GALNT15: variants seen among roughly 807,000 people sequenced by gnomAD.
GALNT15 encodes the protein polypeptide N-acetylgalactosaminyltransferase 15, also known as UDP-GalNAc transferase T15.
Under a neutral mutation model 66.8 loss-of-function variants are expected in GALNT15, and 67 were observed. That is an observed-to-expected ratio of 1.00 (90% confidence interval 0.82 to 1.23). The LOEUF (loss-of-function observed/expected upper bound fraction) is 1.23, where lower values mean the gene tolerates loss of function less well. Among genes scored for constraint, GALNT15 ranks in the 50% most tolerant of loss-of-function variants. The pLI is 0.00. For missense variants in GALNT15, 827 were observed against 804.3 expected, an observed-to-expected ratio of 1.03 and a Z score of -0.34; for synonymous variants, 313 against 311.5, an observed-to-expected ratio of 1.00 and a Z score of -0.05.
At chr3:16,226,240 A>C (rs1184322547) in intron 9 of GALNT15, among the ~76,000 whole-genome samples, 1 of 152,114 alleles carries the variant, frequency 6.6e-6, no homozygotes, top group East Asian at 1.9e-4. Flanking sequence ...TTTTTACGTA[A>C]TGAAAATATT....
rs1444492953 is a variant in GALNT15 at position 16,225,517 on chromosome 3, A to T, written c.1774-1837A>T. Among the ~76,000 whole-genome samples, 1 of 149,782 alleles carries T rather than the reference A, an allele frequency of 6.7e-6. No homozygotes were observed. Among genetic ancestry groups the T allele is most frequent in the Non-Finnish European group, 1.5e-5 (1 of 67,534 alleles). ...TGAGACCAGCCTGGCCAATATGGTG[A>T]AACCCCGTTTCTACTAAAAACACAA... is the stretch of plus-strand genomic sequence containing the variant. On this transcript the variant is annotated intron_variant, in intron 9 of 9. Coordinates refer to ENST00000339732, the MANE Select transcript of GALNT15 (RefSeq NM_054110.5). The surrounding 1 kb of genome is among the most constrained non-coding windows in gnomAD (Gnocchi z 4.4).
chr3:16,199,367 C>G (rs768638819), intron 2 of GALNT15, among the ~76,000 whole-genome samples: 2 of 142,240 alleles, frequency 1.4e-5, no homozygotes, highest in Non-Finnish European at 3.1e-5. Flanking sequence ...CTCTTGGTCT[C>G]AGTTTTTCAT....
Position 16,189,406 on chromosome 3 carries a change from T to A in GALNT15, c.540-6354T>A, listed in dbSNP as rs1250679022. Among the ~76,000 whole-genome samples, 1 of 152,360 alleles carries A rather than the reference T, an allele frequency of 6.6e-6. No homozygotes were observed. Among genetic ancestry groups the A allele is most frequent in the Non-Finnish European group, 1.5e-5 (1 of 68,036 alleles). On this transcript the variant is annotated intron_variant, in intron 1 of 9. Transcript: ENST00000339732. This position sits in a 1 kb window ranked among gnomAD's most constrained non-coding sequence, Gnocchi z 5.1. ...GATGAGGAGTAAATGAGATAATGCA[T>A]GAGAATATCCTACAAATATCAGTGA...
In GALNT15 at chr3:16,229,876, T is replaced by C. The variant is rs1359980806; in HGVS notation, c.*2376T>C. On this transcript the variant is annotated 3_prime_UTR_variant, in exon 10 of 10. Transcript: ENST00000339732. ...ATGATTTATTACTTTATTGCAGAAG[T>C]GGCTGTCAACTCAGTCCCTGGCTGG... 2.5e-6 allele frequency: 1 copy of C among 398,356 alleles called. No homozygotes were observed. Among genetic ancestry groups the C allele is most frequent in the East Asian group, 1.6e-4 (1 of 6,224 alleles). 24.7% of individuals were successfully genotyped at this position (398,356 alleles called of 1,614,324 possible). A position where few individuals can be genotyped will look rare whatever the true frequency, so the allele number is the denominator to read the frequency against.
intron 3 of GALNT15, among the ~76,000 whole-genome samples, chr3:16,207,545 TG>T (rs11357674): frequency 0.99 from 97,284 of 97,788 alleles, 48,392 homozygotes; most frequent in East Asian, 1. Context: ...AAAAAAAAAT[TG>T]GGCCTAAAAT....
In GALNT15 at chr3:16,184,699, T is replaced by C. The variant is rs994260926; in HGVS notation, c.539+9009T>C. Reference sequence around the variant, plus strand: ...AAAGAAGGCTTCATTTTGCCGGTTATCCCAAGAAGCACGGGTAGGGGCTCA... The same window carrying C: ...AAAGAAGGCTTCATTTTGCCGGTTACCCCAAGAAGCACGGGTAGGGGCTCA... On this transcript the variant is annotated intron_variant, in intron 1 of 9. Coordinates refer to ENST00000339732, the MANE Select transcript of GALNT15 (RefSeq NM_054110.5). This position sits in a 1 kb window ranked among gnomAD's most constrained non-coding sequence, Gnocchi z 5.0. Among the ~76,000 whole-genome samples the C allele has an allele frequency of 4.6e-5, 7 of 152,152 alleles. No individual in the cohort carries two copies. The highest frequency in any genetic ancestry group is 1.0e-4 in the Non-Finnish European group (7 of 68,022).
the GALNT15 span, among the ~76,000 whole-genome samples, chr3:16,238,765 G>A: frequency 6.8e-4 from 104 of 152,274 alleles, no homozygotes; most frequent in Admixed American, 5.9e-3. This position sits in a 1 kb window ranked among gnomAD's most constrained non-coding sequence, Gnocchi z 4.8. Context: ...AACAGGGACT[G>A]TCCAAATGGG....
chr3:16,207,128 A>G lies in GALNT15; in HGVS notation c.912-1375A>G, dbSNP rs117528866. Among the ~76,000 whole-genome samples the G allele has an allele frequency of 1.5e-4, 23 of 152,314 alleles. No homozygotes were observed. In the East Asian group the frequency reaches 4.2e-3, roughly 28 times the overall value. The stretch of plus-strand genomic sequence containing the variant: ...ATAGACCCCACAACTCCTTACACTT[A>G]TGTCAGTTACCTAAAGCCATAGATT... On this transcript the variant is annotated intron_variant, in intron 3 of 9. Transcript: ENST00000339732.
Position 16,212,421 on chromosome 3 carries a change from A to G in GALNT15, c.1198-148A>G, listed in dbSNP as rs551406572. 9.5e-6 allele frequency: 7 copies of G among 733,064 alleles called. No homozygotes were observed. In the East Asian group the frequency reaches 1.6e-4, roughly 17 times the overall value. 45.4% of individuals were successfully genotyped at this position (733,064 alleles called of 1,614,324 possible). On this transcript the variant is annotated intron_variant, in intron 5 of 9. Transcript: ENST00000339732. The stretch of plus-strand genomic sequence containing the variant: ...CAGAACCTCCAAATCTGGAAACTCT[A>G]CGCCACCCTGAGGACCATAATCATC...
At chr3:16,217,553 C>T (rs2063892460) in intron 6 of GALNT15, among the ~76,000 whole-genome samples, 1 of 152,192 alleles carries the variant, frequency 6.6e-6, no homozygotes, top group African/African-American at 2.4e-5. Context: ...TCTCCATCCA[C>T]CCCAAAACCC....
In GALNT15 at chr3:16,188,940, C is replaced by T. The variant is rs1033829114; in HGVS notation, c.540-6820C>T. Among the ~76,000 whole-genome samples, 8 of 152,102 alleles carry T rather than the reference C, an allele frequency of 5.3e-5. No individual in the cohort carries two copies. The highest frequency in any genetic ancestry group is 3.9e-4 in the East Asian group (2 of 5,188). ...GGAGCCCAGGGTTCCCAAACATGGG[C>T]GAGTAGGGCCATACCATCTGGACCA... On this transcript the variant is annotated intron_variant, in intron 1 of 9. Coordinates refer to ENST00000339732, the MANE Select transcript of GALNT15 (RefSeq NM_054110.5). The surrounding 1 kb of genome is among the most constrained non-coding windows in gnomAD (Gnocchi z 4.6).
rs1559671854 is a variant in GALNT15, at chr3:16,175,234, T to C, written c.83T>C (p.Met28Thr). The C allele has an allele frequency of 6.2e-7, 1 of 1,614,070 alleles. No individual in the cohort carries two copies. Among genetic ancestry groups the C allele is most frequent in the African/African-American group, 1.3e-5 (1 of 74,928 alleles). Reference protein sequence around the residue: ...LLLLMLGCVLMMVAMLHPPHH... With the variant: ...LLLLMLGCVLTMVAMLHPPHH... ...CTCCTGATGCTGGGATGCGTCCTGA[T>C]GATGGTGGCGATGTTGCACCCTCCC... The change falls in exon 1 of 10, where the codon ATG becomes ACG. Residue 28 changes from methionine (M) to threonine (T), a missense_variant. Coordinates refer to ENST00000339732, the MANE Select transcript of GALNT15 (RefSeq NM_054110.5). The surrounding 1 kb of genome is among the most constrained non-coding windows in gnomAD (Gnocchi z 5.6).
chr3:16,231,652 A>T (rs2124913925), downstream of GALNT15: 1 of 638,936 alleles, frequency 1.6e-6, no homozygotes, highest in South Asian at 1.9e-5. This position sits in a 1 kb window ranked among gnomAD's most constrained non-coding sequence, Gnocchi z 4.1. Context: ...GACCAGATTA[A>T]TGTTTGAAAA....
In GALNT15 at chr3:16,208,638, G is replaced by T; in HGVS notation, c.1047G>T (p.Arg349Ser). 2 of 1,614,090 alleles carry T rather than the reference G, an allele frequency of 1.2e-6. No individual in the cohort carries two copies. Among genetic ancestry groups the T allele is most frequent in the Middle Eastern group, 3.3e-4 (2 of 6,052 alleles). ...GGGAACCTTTGCCAGAGCATGTGAG[G>T]AAGGCCCTCCAGTCCCCCATAAGCC... ...FHWEPLPEHV[R>S]KALQSPISPI... The change falls in exon 4 of 10, where the codon AGG (arginine) becomes AGT (serine). Residue 349 changes from arginine (R) to serine (S), a missense_variant. Coordinates refer to ENST00000339732, the MANE Select transcript of GALNT15 (RefSeq NM_054110.5).
At position 16,222,739 on chromosome 3, in the gene GALNT15, A is replaced by G. The variant is rs760233590; in HGVS notation, c.1754A>G (p.Gln585Arg). The change falls in exon 9 of 10, where the codon CAG (glutamine) becomes CGG (arginine). Residue 585 changes from glutamine to arginine, a missense_variant. Gln to Arg is a conservative substitution (Grantham distance 43). Transcript: ENST00000339732. ...GAGGAAGGCCTGGCCATCCACCAGC[A>G]GCACTGGGACTTCCAGGAGGTGAGT... ...CTEEGLAIHQ[Q>R]HWDFQENGMI... 41 of 1,614,068 alleles carry G rather than the reference A, an allele frequency of 2.5e-5. No homozygotes were observed. Among genetic ancestry groups the G allele is most frequent in the Middle Eastern group, 3.3e-4 (2 of 6,042 alleles).
intron 1 of GALNT15, among the ~76,000 whole-genome samples, chr3:16,179,796 G>A (rs1479041842): frequency 2.6e-5 from 4 of 152,200 alleles, no homozygotes; most frequent in Admixed American, 2.6e-4. Flanking sequence ...CAGAGGTGGG[G>A]ATAAAACTGA....
intron 6 of GALNT15, among the ~76,000 whole-genome samples, chr3:16,216,472 C>T (rs2063879210): frequency 6.8e-6 from 1 of 148,060 alleles, no homozygotes; most frequent in African/African-American, 2.5e-5. Flanking sequence ...GCACTTTAGC[C>T]TGCGAGCCAG....
chr3:16,188,207 C>T lies in GALNT15; in HGVS notation c.540-7553C>T, dbSNP rs563411077. On this transcript the variant is annotated intron_variant, in intron 1 of 9. Transcript: ENST00000339732. This position sits in a 1 kb window ranked among gnomAD's most constrained non-coding sequence, Gnocchi z 4.6. ...GGGGCGTCTCAGAGGAAAAGAATCA[C>T]AGAAGGCAAAGTGTTGCCTGTGGGT... Among the ~76,000 whole-genome samples, 1 of 152,304 alleles carries T rather than the reference C, an allele frequency of 6.6e-6. No individual in the cohort carries two copies. The highest frequency in any genetic ancestry group is 2.1e-4 in the South Asian group (1 of 4,816).
In GALNT15 at chr3:16,184,429, C is replaced by G. The variant is rs1165851862; in HGVS notation, c.539+8739C>G. On this transcript the variant is annotated intron_variant, in intron 1 of 9. Transcript: ENST00000339732. This position sits in a 1 kb window ranked among gnomAD's most constrained non-coding sequence, Gnocchi z 5.0. ...CTTCAGTTCCTGGTACATGCCAGCC[C>G]TTTCCCACCTCTGGGCCTTAGCAGA... Among the ~76,000 whole-genome samples, 1 of 152,156 alleles carries G rather than the reference C, an allele frequency of 6.6e-6. No individual in the cohort carries two copies. The highest frequency in any genetic ancestry group is 1.5e-5 in the Non-Finnish European group (1 of 68,016).
Sources: allele counts gnomAD v4.1 joint callset (sites outside exome capture counted in the v4.1 genomes callset), GRCh38; gene constraint gnomAD v4.1.1; non-coding constraint Gnocchi (gnomAD v3.1); transcripts MANE v1.5; gene names NCBI Gene and HGNC (gene_info 2026-07-23, HGNC 2026-07-21).